The following SUCLG2 variants were observed in gnomAD, a reference collection of about 807,000 sequenced individuals.
The protein encoded by SUCLG2 is succinate--CoA ligase [GDP-forming] subunit beta, mitochondrial.
A neutral mutation model predicts 47.9 loss-of-function variants in SUCLG2; 42 were observed. That is an observed-to-expected ratio of 0.88 (90% CI 0.69 to 1.14). SUCLG2 has a LOEUF of 1.14. SUCLG2 is among the 50% of genes most tolerant of loss of function. SUCLG2 has a pLI of 0.00. For missense variants in SUCLG2, 571 were observed against 525.9 expected (o/e 1.09, Z -0.84); for synonymous variants, 195 against 197.3 (o/e 0.99, Z 0.10).
chr3:67,394,366 T>A (rs201461694), intron 10 of SUCLG2, among the ~76,000 whole-genome samples: 1 of 147,848 alleles, frequency 6.8e-6, no homozygotes, highest in South Asian at 2.1e-4. Context: ...CGAGAACTAC[T>A]TGAAGAATGC....
At chr3:67,369,239 G>C (rs1185983665) in intron 10 of SUCLG2, among the ~76,000 whole-genome samples, 1 of 152,050 alleles carries the variant, frequency 6.6e-6, no homozygotes, top group African/African-American at 2.4e-5. Flanking sequence ...AGGTTCTTTA[G>C]GGATTTAAAA....
intron 9 of SUCLG2, among the ~76,000 whole-genome samples, chr3:67,477,875 C>T (rs9856294): frequency 0.7 from 107,189 of 152,098 alleles, 37,977 homozygotes; most frequent in Admixed American, 0.75. Flanking sequence ...AACTGATCTA[C>T]AGTGAAAAAA....
At chr3:67,534,679 C>G (rs1333754406) in intron 2 of SUCLG2, among the ~76,000 whole-genome samples, 1 of 141,250 alleles carries the variant, frequency 7.1e-6, no homozygotes, top group Non-Finnish European at 1.5e-5. Flanking sequence ...TAGTTTAATA[C>G]TAGTAAGCCA....
At chr3:67,406,305 G>A (rs113550688) in intron 9 of SUCLG2, among the ~76,000 whole-genome samples, 1,808 of 152,272 alleles carry the variant, frequency 0.012, 44 homozygotes, top group African/African-American at 0.041. Flanking sequence ...TGTGCCCTGT[G>A]CTTGTAGGCA....
At chr3:67,384,334 T>C (rs888039748) in intron 10 of SUCLG2, among the ~76,000 whole-genome samples, 1 of 152,200 alleles carries the variant, frequency 6.6e-6, no homozygotes, top group Admixed American at 6.5e-5. Context: ...GCCTCTTTTC[T>C]ACACTAGGGA....
At chr3:67,405,873 G>C (rs1702794489) in intron 9 of SUCLG2, among the ~76,000 whole-genome samples, 2 of 152,156 alleles carry the variant, frequency 1.3e-5, no homozygotes, top group South Asian at 4.1e-4. Context: ...TATTGTATAT[G>C]TACTAACGCA....
chr3:67,481,908 G>C (rs1704928815), intron 9 of SUCLG2, among the ~76,000 whole-genome samples: 1 of 152,234 alleles, frequency 6.6e-6, no homozygotes, highest in African/African-American at 2.4e-5. Flanking sequence ...GCAGGGCGTG[G>C]TGGCTCACGC....
chr3:67,531,282 G>C lies in SUCLG2; in HGVS notation c.227-2096C>G, dbSNP rs1197923313. 2.0e-5 allele frequency among the ~76,000 whole-genome samples: 3 copies of C among 152,108 alleles called. No homozygotes were observed. The South Asian group carries it at 6.2e-4, about 31-fold the overall frequency. The stretch of plus-strand genomic sequence containing the variant: ...GCTGTCTACTCAAATTTTTAATTGT[G>C]ATCACTTCAAATTCTTTACATAACT... On this transcript the variant is annotated intron_variant, in intron 2 of 10. Transcript: ENST00000307227.
chr3:67,509,025 G>T, intron 6 of SUCLG2, 122 bp from the exon 7 acceptor site: 1 of 665,758 alleles, frequency 1.5e-6, no homozygotes, highest in East Asian at 2.9e-5. Flanking sequence ...TTTTCTGAAG[G>T]GAAAAACAGA....
intron 10 of SUCLG2, among the ~76,000 whole-genome samples, chr3:67,394,418 A>G (rs915168655): frequency 1.9e-4 from 27 of 142,946 alleles, no homozygotes; most frequent in African/African-American, 6.6e-4. Context: ...AAGAAAGGGT[A>G]TCAGTGATGG....
intron 9 of SUCLG2, among the ~76,000 whole-genome samples, chr3:67,494,356 C>T (rs1705277082): frequency 6.6e-6 from 1 of 152,090 alleles, no homozygotes; most frequent in African/African-American, 2.4e-5. Context: ...AAGTTTAGGC[C>T]AATTGTGATG....
intron 2 of SUCLG2, among the ~76,000 whole-genome samples, chr3:67,534,341 A>T (rs186046891): frequency 6.6e-6 from 1 of 152,162 alleles, no homozygotes; most frequent in African/African-American, 2.4e-5. Context: ...AAATGTATTT[A>T]TGCTTTCGAC....
At chr3:67,562,981 T>G (rs1223781794) in intron 2 of SUCLG2, among the ~76,000 whole-genome samples, 1 of 151,662 alleles carries the variant, frequency 6.6e-6, no homozygotes, top group Non-Finnish European at 1.5e-5. Context: ...ATTTTTCATT[T>G]TAATGATTAA....
chr3:67,632,630 C>T (rs935865276), intron 1 of SUCLG2, among the ~76,000 whole-genome samples: 1 of 152,112 alleles, frequency 6.6e-6, no homozygotes, highest in Non-Finnish European at 1.5e-5. Context: ...ATAATGACCA[C>T]AACCACTTAT....
intron 1 of SUCLG2, among the ~76,000 whole-genome samples, chr3:67,611,462 A>G (rs564587838): frequency 2.6e-5 from 4 of 152,344 alleles, no homozygotes; most frequent in Non-Finnish European, 5.9e-5. Flanking sequence ...AAGGCTTTAT[A>G]GTCTTAATAG....
chr3:67,645,623 A>G (rs1388045190), intron 1 of SUCLG2, among the ~76,000 whole-genome samples: 2 of 152,130 alleles, frequency 1.3e-5, no homozygotes, highest in East Asian at 3.9e-4. Context: ...TTGGCTTTCA[A>G]TTTTAATGAT....
At chr3:67,383,532 A>G (rs939176739) in intron 10 of SUCLG2, among the ~76,000 whole-genome samples, 1 of 152,228 alleles carries the variant, frequency 6.6e-6, no homozygotes, top group Non-Finnish European at 1.5e-5. Flanking sequence ...TCGCACAGTA[A>G]GAAGAAATCA....
chr3:67,377,420 T>C (rs1023522776), intron 10 of SUCLG2, among the ~76,000 whole-genome samples: 2 of 152,224 alleles, frequency 1.3e-5, no homozygotes, highest in Non-Finnish European at 2.9e-5. Flanking sequence ...CTCCTGCTCC[T>C]CTTCTGCAGT....
At chr3:67,568,678 G>A (rs918168905) in intron 2 of SUCLG2, among the ~76,000 whole-genome samples, 2 of 152,108 alleles carry the variant, frequency 1.3e-5, no homozygotes, top group Non-Finnish European at 2.9e-5. Context: ...ACGAGGTCAG[G>A]AGATCGAGAC....
Sources: gnomAD v4.1 joint callset for allele counts (sites outside exome capture counted in the v4.1 genomes callset) on GRCh38, gnomAD v4.1.1 for gene constraint, MANE v1.5 for transcripts, NCBI Gene and HGNC (gene_info 2026-07-23, HGNC 2026-07-21) for gene names.